The following ALS2 variants were observed in gnomAD, a reference collection of about 807,000 sequenced individuals.
The protein encoded by ALS2 is alsin Rho guanine nucleotide exchange factor ALS2.
A neutral mutation model predicts 203.4 loss-of-function variants in ALS2; 117 were observed. The ratio of observed to expected loss-of-function variants is 0.58; its 90% confidence interval spans 0.50 to 0.67. The LOEUF (loss-of-function observed/expected upper bound fraction) is 0.67. ALS2 is among the 30% of genes least tolerant of loss of function. ALS2 has a pLI of 0.00. For missense variants in ALS2, 1,715 were observed against 1,989.4 expected, an observed-to-expected ratio of 0.86 and a Z score of 2.62; for synonymous variants, 718 against 725.9, an observed-to-expected ratio of 0.99 and a Z score of 0.17.
At chr2:201,722,507 C>T (rs1369299734) in intron 23 of ALS2, 2 of 152,554 alleles carry the variant, frequency 1.3e-5, no homozygotes, top group Non-Finnish European at 2.9e-5. Flanking sequence ...AAAATGAAAA[C>T]ATATGTCTAC....
Position 201,729,099 on chromosome 2 carries a change from C to T in ALS2, c.2665G>A (p.Ala889Thr), listed in dbSNP as rs750762949. 6.2e-7 allele frequency: 1 copy of T among 1,613,984 alleles called. No individual in the cohort carries two copies. Among genetic ancestry groups the T allele is most frequent in the Admixed American group, 1.7e-5 (1 of 60,002 alleles). ...TTCCAGAAGCCCAGTGTGTATTCTGCTTCCTTCCTTTTCCTGCCGAGATGG... is the reference window on the plus strand; with the variant it reads ...TTCCAGAAGCCCAGTGTGTATTCTGTTTCCTTCCTTTTCCTGCCGAGATGG... ...ALHLGRKRKE[A>T]EYTLGFWKTF... The change falls in exon 14 of 34, where the codon GCA (alanine) becomes ACA (threonine). Residue 889 changes from alanine to threonine, a missense_variant. Around this residue, in one of 3 missense-constraint regions of ALS2, gnomAD observed 1,227 missense variants for 1,413.5 expected, o/e 0.87. Transcript: ENST00000264276.
At chr2:201,775,096 T>C (rs1694594236) in intron 1 of ALS2, among the ~76,000 whole-genome samples, 1 of 152,188 alleles carries the variant, frequency 6.6e-6, no homozygotes, top group African/African-American at 2.4e-5. Flanking sequence ...ATAAGAGTAA[T>C]GTTAATCAGT....
In ALS2 at chr2:201,711,175, A is replaced by T; in HGVS notation, c.4005-67T>A. 4 of 1,005,074 alleles carry T rather than the reference A, an allele frequency of 4.0e-6. No individual in the cohort carries two copies. The South Asian group carries it at 5.1e-5, about 13-fold the overall frequency. The allele number at this position is 1,005,074 out of a possible 1,614,324, so 62.3% of individuals were successfully genotyped here. Reference sequence around the variant, plus strand: ...GAAAGCAAGATACGTGTAAATACTCACATGAAACACAATCACTAGCTCCAG... The same window carrying T: ...GAAAGCAAGATACGTGTAAATACTCTCATGAAACACAATCACTAGCTCCAG... On this transcript the variant is annotated intron_variant, in intron 25 of 33. Transcript: ENST00000264276.
At chr2:201,711,646 A>G (rs1690031764) in intron 25 of ALS2, among the ~76,000 whole-genome samples, 1 of 152,220 alleles carries the variant, frequency 6.6e-6, no homozygotes. Flanking sequence ...CATAACGGGT[A>G]AACAGAAACT....
intron 13 of ALS2, among the ~76,000 whole-genome samples, chr2:201,729,991 A>G (rs1265922035): frequency 1.3e-5 from 2 of 151,330 alleles, no homozygotes; most frequent in African/African-American, 2.4e-5. Context: ...CTGGACTTTT[A>G]TATCAGCTTT....
intron 4 of ALS2, chr2:201,760,035 A>G (rs2106085537): frequency 4.1e-6 from 4 of 979,666 alleles, no homozygotes; most frequent in South Asian, 4.7e-5. Context: ...TAAGATATAT[A>G]AAATAGGCTG....
chr2:201,763,932 A>G (rs564838488), intron 3 of ALS2, among the ~76,000 whole-genome samples: 1 of 152,216 alleles, frequency 6.6e-6, no homozygotes, highest in Admixed American at 6.5e-5. Flanking sequence ...GATTTTTTTT[A>G]ATTAATGAAG....
chr2:201,760,087 C>T (rs1245751236), intron 4 of ALS2: 1 of 871,692 alleles, frequency 1.1e-6, no homozygotes, highest in African/African-American at 1.8e-5. Flanking sequence ...CTTTGGGAGG[C>T]TGAGGTGGGA....
chr2:201,741,807 T>G lies in ALS2; in HGVS notation c.2218A>C (p.Ser740Arg). ...TTVQLLQEVASRFSKLCYLIG... is the reference protein window; with the variant it reads ...TTVQLLQEVARRFSKLCYLIG... ...AGGTAACACAGCTTGCTGAATCGGC[T>G]AGCCACCTCCTGCAACAGCTGGACT... The change falls in exon 11 of 34, where the codon AGC becomes CGC. Residue 740 changes from serine (S) to arginine (R), a missense_variant. Ser to Arg is a moderately radical substitution (Grantham distance 110). Coordinates refer to ENST00000264276, the MANE Select transcript of ALS2 (RefSeq NM_020919.4). 2 of 1,614,166 alleles carry G rather than the reference T, an allele frequency of 1.2e-6. No homozygotes were observed. Among genetic ancestry groups the G allele is most frequent in the Non-Finnish European group, 1.7e-6 (2 of 1,180,020 alleles).
chr2:201,723,845 G>A (rs763887452), intron 21 of ALS2, among the ~76,000 whole-genome samples: 47 of 152,162 alleles, frequency 3.1e-4, no homozygotes, highest in Non-Finnish European at 5.4e-4. Flanking sequence ...GGCTGGATTC[G>A]GTGGCTCATG....
At chr2:201,704,771 G>A (rs1293461077) in intron 31 of ALS2, among the ~76,000 whole-genome samples, 168 bp from the exon 32 acceptor site, 1 of 152,174 alleles carries the variant, frequency 6.6e-6, no homozygotes, top group African/African-American at 2.4e-5. Context: ...GGTGCTATGA[G>A]AAAAGTAGCC....
chr2:201,760,318 A>G, intron 4 of ALS2: 1 of 983,236 alleles, frequency 1.0e-6, no homozygotes, highest in African/African-American at 1.7e-5. Context: ...CTCAAAAACA[A>G]ACAAACAAAA....
chr2:201,728,293 T>A (rs1456745316), intron 15 of ALS2, among the ~76,000 whole-genome samples: 1 of 152,150 alleles, frequency 6.6e-6, no homozygotes, highest in Admixed American at 6.5e-5. Flanking sequence ...TCCCTTCTTG[T>A]GTCCAAGTGT....
intron 3 of ALS2, among the ~76,000 whole-genome samples, chr2:201,762,256 G>A (rs1693813235): frequency 1.3e-5 from 2 of 152,154 alleles, no homozygotes; most frequent in Non-Finnish European, 2.9e-5. Flanking sequence ...TAAACAAGTT[G>A]GAACAGCAAA....
intron 7 of ALS2, among the ~76,000 whole-genome samples, chr2:201,751,666 T>C (rs551851910): frequency 6.6e-6 from 1 of 152,362 alleles, no homozygotes; most frequent in South Asian, 2.1e-4. Flanking sequence ...TGAATTATCA[T>C]ATTGACAAAC....
chr2:201,734,467 C>CAAAAAAAAAA (rs576164468), intron 12 of ALS2, among the ~76,000 whole-genome samples: 2 of 132,358 alleles, frequency 1.5e-5, no homozygotes, highest in Non-Finnish European at 1.6e-5. Context: ...CAGCCTGTCT[C>CAAAAAAAAAA]AAAAAAAAAA....
At chr2:201,740,634 G>A (rs1205939142) in intron 11 of ALS2, among the ~76,000 whole-genome samples, 1 of 151,696 alleles carries the variant, frequency 6.6e-6, no homozygotes, top group Non-Finnish European at 1.5e-5. Flanking sequence ...CTCAAACCAG[G>A]GTACTTCCTC....
intron 1 of ALS2, among the ~76,000 whole-genome samples, chr2:201,776,263 G>A (rs1694655730): frequency 6.6e-6 from 1 of 152,102 alleles, no homozygotes; most frequent in Non-Finnish European, 1.5e-5. Context: ...ATGAGAAACA[G>A]GAAGACTTTA....
chr2:201,776,096 T>G (rs1345098170), intron 1 of ALS2, among the ~76,000 whole-genome samples: 1 of 152,206 alleles, frequency 6.6e-6, no homozygotes, highest in Non-Finnish European at 1.5e-5. Flanking sequence ...AAGAAAAAAG[T>G]GTCTTCTCCT....
Sources: allele counts gnomAD v4.1 joint callset (sites outside exome capture counted in the v4.1 genomes callset), GRCh38; gene constraint gnomAD v4.1.1; regional missense constraint gnomAD v4.1.1; transcripts MANE v1.5; gene names NCBI Gene and HGNC (gene_info 2026-07-23, HGNC 2026-07-21).